TNIK: variants seen among roughly 807,000 people sequenced by gnomAD.
TNIK encodes the protein TRAF2 and NCK-interacting protein kinase.
TNIK carries 49 observed loss-of-function variants against 191.3 expected under a neutral mutation model. That is an observed-to-expected ratio of 0.26 (90% CI 0.20 to 0.32). The LOEUF (loss-of-function observed/expected upper bound fraction) is 0.32, where lower values mean the gene tolerates loss of function less well. Among genes scored for constraint, TNIK ranks in the 10% least tolerant of loss-of-function variants. The probability of loss-of-function intolerance (pLI) is 1.00; values close to 1 mark genes in which losing one functional copy is unlikely to be tolerated. For synonymous variants in TNIK, 594 were observed against 600.9 expected (o/e 0.99, Z 0.17); for missense variants, 1,155 against 1,702.3 (o/e 0.68, Z 5.66).
chr3:171,296,171 A>C (rs1280306034), intron 2 of TNIK, among the ~76,000 whole-genome samples: 3 of 152,160 alleles, frequency 2.0e-5, no homozygotes, highest in Non-Finnish European at 4.4e-5. Context: ...GCCTTCTCTC[A>C]GCCACGACCT....
chr3:171,128,846 A>C lies in TNIK; in HGVS notation c.1641T>G (p.Ser547Arg). ...VEERSRLNRQ[S>R]SPAMPHKVAN... ...CAACCTTGTGAGGCATGGCAGGGGA[A>C]CTTTGCCGGTTGAGCCTTGACCGTT... The change falls in exon 16 of 33, where the codon AGT becomes AGG. Residue 547 changes from serine to arginine, a missense_variant. Coordinates refer to ENST00000436636, the MANE Select transcript of TNIK (RefSeq NM_015028.4). 6.4e-7 allele frequency: 1 copy of C among 1,565,172 alleles called. No individual in the cohort carries two copies. The highest frequency in any genetic ancestry group is 8.6e-7 in the Non-Finnish European group (1 of 1,156,814).
intron 3 of TNIK, among the ~76,000 whole-genome samples, chr3:171,214,330 C>A (rs2108926359): frequency 6.6e-6 from 1 of 152,008 alleles, no homozygotes; most frequent in African/African-American, 2.4e-5. Flanking sequence ...GCAAAGAGAG[C>A]AAGGGAGGCT....
intron 15 of TNIK, among the ~76,000 whole-genome samples, chr3:171,133,773 TC>T (rs1171471994): frequency 3.3e-5 from 5 of 152,122 alleles, no homozygotes; most frequent in Non-Finnish European, 7.3e-5. Context: ...GAAAAAGAAA[TC>T]ACTTAGGTAT....
intron 4 of TNIK, among the ~76,000 whole-genome samples, chr3:171,210,608 C>T (rs747540550): frequency 8.5e-5 from 13 of 152,116 alleles, no homozygotes; most frequent in Admixed American, 2.6e-4. Context: ...ATGTTTCAGT[C>T]GCCCACTCAT....
At chr3:171,215,551 A>G (rs1365211808) in intron 3 of TNIK, among the ~76,000 whole-genome samples, 1 of 152,198 alleles carries the variant, frequency 6.6e-6, no homozygotes, top group Non-Finnish European at 1.5e-5. Context: ...TCTTTACAGA[A>G]AACTACTAGT....
chr3:171,443,191 C>T (rs1419969935), intron 1 of TNIK, among the ~76,000 whole-genome samples: 1 of 152,202 alleles, frequency 6.6e-6, no homozygotes, highest in Non-Finnish European at 1.5e-5. Context: ...TTAGTTTTGA[C>T]TCTGTCAACC....
chr3:171,452,791 C>T (rs1437563836), intron 1 of TNIK, among the ~76,000 whole-genome samples: 1 of 150,942 alleles, frequency 6.6e-6, no homozygotes, highest in Non-Finnish European at 1.5e-5. Flanking sequence ...GCAATTCTAA[C>T]CCATGGTATT....
intron 2 of TNIK, among the ~76,000 whole-genome samples, chr3:171,361,834 C>T (rs1434489018): frequency 6.6e-6 from 1 of 152,190 alleles, no homozygotes; most frequent in East Asian, 1.9e-4. Context: ...TAATTGATTT[C>T]AACCTCACGA....
intron 1 of TNIK, among the ~76,000 whole-genome samples, chr3:171,424,731 G>A (rs1357274600): frequency 1.3e-5 from 2 of 150,350 alleles, no homozygotes; most frequent in Admixed American, 1.3e-4. Context: ...ACTATCGCAA[G>A]GACAAAAAAC....
intron 1 of TNIK, among the ~76,000 whole-genome samples, chr3:171,376,083 T>C (rs962572130): frequency 6.6e-6 from 1 of 152,240 alleles, no homozygotes; most frequent in African/African-American, 2.4e-5. Flanking sequence ...AAATGTTATT[T>C]CTTTTAGAAC....
chr3:171,459,179 G>A (rs1211306252), intron 1 of TNIK, among the ~76,000 whole-genome samples: 1 of 151,972 alleles, frequency 6.6e-6, no homozygotes, highest in Non-Finnish European at 1.5e-5. Context: ...GGGGGAGGGA[G>A]GTGCTCTACA....
At chr3:171,342,077 C>A (rs1247614534) in intron 2 of TNIK, among the ~76,000 whole-genome samples, 1 of 152,138 alleles carries the variant, frequency 6.6e-6, no homozygotes, top group Non-Finnish European at 1.5e-5. Flanking sequence ...ACCAAAAGAT[C>A]CATTGAGTTT....
chr3:171,355,133 C>T (rs917185604), intron 2 of TNIK, among the ~76,000 whole-genome samples: 4 of 152,108 alleles, frequency 2.6e-5, no homozygotes, highest in Admixed American at 1.3e-4. Context: ...AAACTGGAAC[C>T]CCAAGGACAG....
intron 2 of TNIK, among the ~76,000 whole-genome samples, chr3:171,340,226 T>C (rs1757382698): frequency 6.6e-6 from 1 of 152,202 alleles, no homozygotes; most frequent in South Asian, 2.1e-4. Flanking sequence ...CTCTAGGCAG[T>C]TGGACTATGA....
At chr3:171,409,015 A>G (rs1444318075) in intron 1 of TNIK, among the ~76,000 whole-genome samples, 2 of 152,014 alleles carry the variant, frequency 1.3e-5, no homozygotes, top group African/African-American at 4.8e-5. Flanking sequence ...AGCCCCCTTC[A>G]GGGACACTAA....
Position 171,307,866 on chromosome 3 carries a change from TAC to T in TNIK, c.123+61752_123+61753del, listed in dbSNP as rs961607706. Reference sequence around the variant, plus strand: ...TTTTCATTCTCATTCTTCACAATTGTACAGTGAAATTTTCCAGAGGCTATGTG... The same window carrying T: ...TTTTCATTCTCATTCTTCACAATTGTAGTGAAATTTTCCAGAGGCTATGTG... On this transcript the variant is annotated intron_variant, in intron 2 of 32. Coordinates refer to ENST00000436636, the MANE Select transcript of TNIK (RefSeq NM_015028.4). Among the ~76,000 whole-genome samples, 12 of 152,214 alleles carry T rather than the reference TAC, an allele frequency of 7.9e-5. 1 individual carries two copies. Among genetic ancestry groups the T allele is most frequent in the African/African-American group, 2.2e-4 (9 of 41,534 alleles).
intron 2 of TNIK, among the ~76,000 whole-genome samples, chr3:171,327,598 T>TCC (rs1435911315): frequency 3.3e-5 from 5 of 152,048 alleles, no homozygotes; most frequent in Non-Finnish European, 7.4e-5. Context: ...GCCCGTGGCA[T>TCC]TGCCTGGAGG....
At chr3:171,154,857 T>C (rs1263708670) in intron 12 of TNIK, among the ~76,000 whole-genome samples, 3 of 152,226 alleles carry the variant, frequency 2.0e-5, no homozygotes, top group Admixed American at 1.3e-4. Context: ...CTCTCCACCA[T>C]TTAATTGGCC....
At position 171,210,197 on chromosome 3, in the gene TNIK, G is replaced by T. The variant is rs191257451; in HGVS notation, c.306+919C>A. 1.5e-3 allele frequency among the ~76,000 whole-genome samples: 235 copies of T among 152,298 alleles called. 1 individual carries two copies. The highest frequency in any genetic ancestry group is 5.4e-3 in the African/African-American group (226 of 41,558). ...AGGGACGGAAGGACAGAAGGTAGAG[G>T]GAAGAAGAAAGAGTGAAAGAAAAGT... On this transcript the variant is annotated intron_variant, in intron 4 of 32. Transcript: ENST00000436636.
Sources: allele counts gnomAD v4.1 joint callset (sites outside exome capture counted in the v4.1 genomes callset), GRCh38; gene constraint gnomAD v4.1.1; transcripts MANE v1.5; gene names NCBI Gene and HGNC (gene_info 2026-07-23, HGNC 2026-07-21).